MKI67: variants seen among roughly 807,000 people sequenced by gnomAD.
MKI67 encodes proliferation marker protein Ki-67.
Under a neutral mutation model 233.5 loss-of-function variants are expected in MKI67, and 152 were observed. The ratio of observed to expected loss-of-function variants is 0.65; its 90% CI spans 0.57 to 0.74. The LOEUF is 0.74. Ranked by LOEUF, MKI67 falls within the 30% of genes least tolerant of loss-of-function variation. The pLI is 0.00. For missense variants in MKI67, 3,940 were observed against 3,885.2 expected (o/e 1.01, Z -0.37); for synonymous variants, 1,465 against 1,418.5 (o/e 1.03, Z -0.74).
intron 12 of MKI67, among the ~76,000 whole-genome samples, chr10:128,109,872 G>T (rs1259003919): frequency 1.3e-5 from 2 of 152,162 alleles, no homozygotes; most frequent in African/African-American, 4.8e-5. Context: ...CTTCAGGGTA[G>T]CAAGCTGTTC....
Position 128,116,548 on chromosome 10 carries a change from G to A in MKI67, c.355-12C>T. ...CGACGTGCTGGCTCCTGTAAGTTGG[G>A]AAAATAAGAACAGTTATTTGCAGGT... On this transcript the variant is annotated splice_polypyrimidine_tract_variant and intron_variant, in intron 5 of 14. Coordinates refer to ENST00000368654, the MANE Select transcript of MKI67 (RefSeq NM_002417.5). 2 of 1,611,218 alleles carry A rather than the reference G, an allele frequency of 1.2e-6. No homozygotes were observed. Among genetic ancestry groups the A allele is most frequent in the South Asian group, 1.1e-5 (1 of 91,032 alleles).
In MKI67 at chr10:128,105,739, C is replaced by A; in HGVS notation, c.6101G>T (p.Gly2034Val). The A allele has an allele frequency of 6.2e-7, 1 of 1,614,166 alleles. No homozygotes were observed. Among genetic ancestry groups the A allele is most frequent in the Non-Finnish European group, 8.5e-7 (1 of 1,180,038 alleles). ...AAACGCTTTGATGCTCTTTCCATCT[C>A]CTGCTGTCTCTCTGTGTGTCTGTGT... The part of the protein sequence containing the change: ...KTTQTHRETA[G>V]DGKSIKAFKE... The change falls in exon 13 of 15, where the codon GGA (glycine) becomes GTA (valine). Residue 2034 changes from glycine to valine, a missense_variant. Coordinates refer to ENST00000368654, the MANE Select transcript of MKI67 (RefSeq NM_002417.5).
intron 14 of MKI67, among the ~76,000 whole-genome samples, chr10:128,100,674 T>C (rs1266571352): frequency 6.6e-6 from 1 of 152,236 alleles, no homozygotes; most frequent in African/African-American, 2.4e-5. Flanking sequence ...CTTGTAATTA[T>C]GAGTGGCTCA....
rs771052399 is a variant in MKI67 at position 128,115,275 on chromosome 10, C to A, written c.1133G>T (p.Gly378Val). Residue 378 changes from glycine to valine, a missense_variant, in exon 7 of 15, where the codon GGT (glycine) becomes GTT (valine). Gly to Val is a moderately radical substitution (Grantham distance 109). Transcript: ENST00000368654. ...ACCAGCCTTGAAGCCTTCACTTTTACCCAGATTCACAGATTCTCTTCTACC... is the reference window on the plus strand; with the variant it reads ...ACCAGCCTTGAAGCCTTCACTTTTAACCAGATTCACAGATTCTCTTCTACC... The part of the protein sequence containing the change: ...TTGRRESVNL[G>V]KSEGFKAGDK... The A allele has an allele frequency of 1.2e-6, 2 of 1,613,974 alleles. No homozygotes were observed. The highest frequency in any genetic ancestry group is 1.7e-5 in the Admixed American group (1 of 59,970).
At position 128,102,977 on chromosome 10, in the gene MKI67, G is replaced by A; in HGVS notation, c.8863C>T (p.Pro2955Ser). 2 of 1,614,194 alleles carry A rather than the reference G, an allele frequency of 1.2e-6. No individual in the cohort carries two copies. Among genetic ancestry groups the A allele is most frequent in the Non-Finnish European group, 1.7e-6 (2 of 1,180,042 alleles). The change falls in exon 13 of 15, where the codon CCT (proline) becomes TCT (serine). Residue 2955 changes from proline (P) to serine (S), a missense_variant. Physicochemically the swap from Pro to Ser is moderately conservative, Grantham distance 74. Transcript: ENST00000368654. ...APKQTPDSGKPLKISRRVLRA... is the reference protein window; with the variant it reads ...APKQTPDSGKSLKISRRVLRA... ...AGAACTCTTCTGGATATTTTTAGAG[G>A]TTTTCCACTGTCAGGTGTTTGCTTT...
At position 128,101,430 on chromosome 10, in the gene MKI67, C is replaced by T. The variant is rs917532529; in HGVS notation, c.9533G>A (p.Ser3178Asn). ...CTGATTCTGCATGAGAACCTTCGCA[C>T]TCTTCTGCCCTCCGCTCTCCTCTGC... ...KVAEESGGQK[S>N]AKVLMQNQKG... The change falls in exon 14 of 15, where the codon AGT (serine) becomes AAT (asparagine). Residue 3178 changes from serine (S) to asparagine (N), a missense_variant. Transcript: ENST00000368654. 2.5e-6 allele frequency: 4 copies of T among 1,614,208 alleles called. No homozygotes were observed. Among genetic ancestry groups the T allele is most frequent in the Non-Finnish European group, 3.4e-6 (4 of 1,180,038 alleles).
In MKI67 at chr10:128,126,378, T is replaced by TCCCGCCCG. The variant is rs61029493; in HGVS notation, c.-377_-370dup. The TCCCGCCCG allele has an allele frequency of 3.9e-4, 56 of 145,370 alleles. No individual in the cohort carries two copies. Among genetic ancestry groups the TCCCGCCCG allele is most frequent in the African/African-American group, 5.0e-4 (20 of 39,994 alleles). The allele number at this position is 145,370 out of a possible 1,614,324, so 9.0% of individuals were successfully genotyped here. ...TAGCGGCTCCCACCGAGTCGAGTCC[T>TCCCGCCCG]CCCGCCCGCCCGCCCGCCCGCAGCG... On this transcript the variant is annotated 5_prime_UTR_variant, in exon 1 of 15. Transcript: ENST00000368654.
rs770441653 is a variant in MKI67, at chr10:128,108,804, T to A, written c.3036A>T (p.Pro1012=). 27 of 1,614,120 alleles carry A rather than the reference T, an allele frequency of 1.7e-5. No homozygotes were observed. The highest frequency in any genetic ancestry group is 2.1e-5 in the Non-Finnish European group (25 of 1,180,058). Residue 1012 remains proline, a synonymous_variant, in exon 13 of 15, where the codon CCA becomes CCT. Coordinates refer to ENST00000368654, the MANE Select transcript of MKI67 (RefSeq NM_002417.5). Reference sequence around the variant, plus strand: ...TGTGTGTTGGGGTGTTTATTGGTTCTGGTTGTAATGACTGGCAGGGCATTT... The same window carrying A: ...TGTGTGTTGGGGTGTTTATTGGTTCAGGTTGTAATGACTGGCAGGGCATTT... The part of the protein sequence containing the change: ...ITKMPCQSLQ[P]EPINTPTHTK...
Position 128,106,791 on chromosome 10 carries a change from G to T in MKI67, c.5049C>A (p.Ile1683=). The T allele has an allele frequency of 6.2e-7, 1 of 1,613,800 alleles. No individual in the cohort carries two copies. Among genetic ancestry groups the T allele is most frequent in the Non-Finnish European group, 8.5e-7 (1 of 1,179,924 alleles). The change falls in exon 13 of 15, where the codon ATC becomes ATA. Residue 1683 remains isoleucine, a synonymous_variant. Coordinates refer to ENST00000368654, the MANE Select transcript of MKI67 (RefSeq NM_002417.5). Reference sequence around the variant, plus strand: ...CAGTTAGACTTGCTGCTGAGTCTAAGATCTGCTTTGGAGACTCCATAAATG... The same window carrying T: ...CAGTTAGACTTGCTGCTGAGTCTAATATCTGCTTTGGAGACTCCATAAATG... ...MKAFMESPKQ[I]LDSAASLTGS...
chr10:128,105,718 G>A lies in MKI67; in HGVS notation c.6122C>T (p.Ala2041Val), dbSNP rs772060315. ...CATCTGCTTTGCAGATTCCTTAAACGCTTTGATGCTCTTTCCATCTCCTGC... is the reference window on the plus strand; with the variant it reads ...CATCTGCTTTGCAGATTCCTTAAACACTTTGATGCTCTTTCCATCTCCTGC... ...ETAGDGKSIK[A>V]FKESAKQMLD... The change falls in exon 13 of 15, where the codon GCG becomes GTG. Residue 2041 changes from alanine (A) to valine (V), a missense_variant. Coordinates refer to ENST00000368654, the MANE Select transcript of MKI67 (RefSeq NM_002417.5). 1.4e-5 allele frequency: 22 copies of A among 1,613,940 alleles called. No homozygotes were observed. The East Asian group carries it at 2.7e-4, about 20-fold the overall frequency.
chr10:128,120,034 C>A lies in MKI67; in HGVS notation c.288-715G>T, dbSNP rs536962222. On this transcript the variant is annotated intron_variant, in intron 4 of 14. Transcript: ENST00000368654. The stretch of plus-strand genomic sequence containing the variant: ...CTAAGTAAGATCTGAAGCAGTCACA[C>A]ATCTGATATTATTTCTCATGGTAGA... Among the ~76,000 whole-genome samples, 29 of 152,340 alleles carry A rather than the reference C, an allele frequency of 1.9e-4. No individual in the cohort carries two copies. The Middle Eastern group carries it at 0.017, about 89-fold the overall frequency.
rs751155112 is a variant in MKI67 at position 128,106,148 on chromosome 10, G to A, written c.5692C>T (p.Pro1898Ser). Residue 1898 changes from proline (P) to serine (S), a missense_variant, in exon 13 of 15, where the codon CCA becomes TCA. Pro to Ser is a moderately conservative substitution (Grantham distance 74, BLOSUM62 -1). Transcript: ENST00000368654. ...GTGTGCATGGCTTTGCCTGCTGATG[G>A]TGTTAGTTTCCTGAATGCTAAAAAT... ...EEFLAFRKLT[P>S]SAGKAMHTPK... 5.0e-6 allele frequency: 8 copies of A among 1,613,954 alleles called. No homozygotes were observed. Among genetic ancestry groups the A allele is most frequent in the Non-Finnish European group, 5.9e-6 (7 of 1,180,006 alleles).
chr10:128,106,191 T>C lies in MKI67; in HGVS notation c.5649A>G (p.Lys1883=), dbSNP rs746271648. The change falls in exon 13 of 15, where the codon AAA becomes AAG. Residue 1883 remains lysine (K), a synonymous_variant. Transcript: ENST00000368654. ...TKQRPKRSLK[K]ADVEEEFLAF... ...CTAAAAATTCTTCCTCTACGTCTGC[T>C]TTCTTGAGGCTTCTCTTGGGCCGTT... The C allele has an allele frequency of 1.2e-5, 20 of 1,613,574 alleles. No homozygotes were observed. In the South Asian group the frequency reaches 2.2e-4, roughly 18 times the overall value.
chr10:128,106,262 T>C lies in MKI67; in HGVS notation c.5578A>G (p.Lys1860Glu). 6.2e-7 allele frequency: 1 copy of C among 1,614,092 alleles called. No individual in the cohort carries two copies. The highest frequency in any genetic ancestry group is 1.1e-5 in the South Asian group (1 of 91,080). ...TCCGCTGGGTCTGATTGCGGAGATT[T>C]GCAGAGTATTTTTTTGGTAGTTTTC... ...DEKTTKKILC[K>E]SPQSDPADTP... is the part of the protein sequence containing the mutation. Residue 1860 changes from lysine (K) to glutamate (E), a missense_variant, in exon 13 of 15, where the codon AAA (lysine) becomes GAA (glutamate). Physicochemically the swap from Lys to Glu is moderately conservative, Grantham distance 56. Coordinates refer to ENST00000368654, the MANE Select transcript of MKI67 (RefSeq NM_002417.5).
intron 8 of MKI67, 72 bp from the exon 9 acceptor site, chr10:128,112,517 T>G: frequency 7.1e-7 from 1 of 1,406,776 alleles, no homozygotes. Context: ...GATAAAAACC[T>G]ATTCAGTTAA....
At position 128,115,861 on chromosome 10, in the gene MKI67, G is replaced by T. The variant is rs1401611573; in HGVS notation, c.547C>A (p.His183Asn). ...DSVAQGTTNV[H>N]SSEHAGRNGR... ...TTACGTCCAGCATGTTCTGAGGAATGAACATTAGTTGTTCCCTGAGCAACA... is the reference window on the plus strand; with the variant it reads ...TTACGTCCAGCATGTTCTGAGGAATTAACATTAGTTGTTCCCTGAGCAACA... Residue 183 changes from histidine to asparagine, a missense_variant, in exon 7 of 15, where the codon CAT becomes AAT. Coordinates refer to ENST00000368654, the MANE Select transcript of MKI67 (RefSeq NM_002417.5). The T allele has an allele frequency of 1.2e-6, 2 of 1,608,584 alleles. No individual in the cohort carries two copies. The highest frequency in any genetic ancestry group is 2.7e-5 in the African/African-American group (2 of 74,926).
intron 2 of MKI67, among the ~76,000 whole-genome samples, chr10:128,124,904 G>A (rs1280250207): frequency 2.6e-5 from 2 of 76,482 alleles, no homozygotes; most frequent in Non-Finnish European, 3.1e-5. Flanking sequence ...GATGGGGTTG[G>A]GAGGACAGGG....
Position 128,112,429 on chromosome 10 carries a change from G to C in MKI67, c.1673C>G (p.Ser558Ter). 6.2e-7 allele frequency: 1 copy of C among 1,614,060 alleles called. No homozygotes were observed. The highest frequency in any genetic ancestry group is 1.1e-5 in the South Asian group (1 of 91,088). The change falls in exon 9 of 15, where the codon TCA becomes TGA. Residue 558 changes from serine (S) to a stop codon, truncating the protein, a stop_gained. Coordinates refer to ENST00000368654, the MANE Select transcript of MKI67 (RefSeq NM_002417.5). LOFTEE classifies it high-confidence loss of function. ...TTCTGAACCTGACTCTTGTTTTCCT[G>C]ATGGTTGAGGCTGTTCCTGACAAGA... ...KKIIKEQPQP[S>*]GKQESGSEIH...
rs886436058 is a variant in MKI67, at chr10:128,107,838, T to A, written c.4002A>T (p.Gln1334His). Residue 1334 changes from glutamine (Q) to histidine (H), a missense_variant, in exon 13 of 15, where the codon CAA becomes CAT. Physicochemically the swap from Gln to His is conservative, Grantham distance 24. Coordinates refer to ENST00000368654, the MANE Select transcript of MKI67 (RefSeq NM_002417.5). ...GAGCCTGGGCCTCTTCCTTAGGAGTTTGTGGCCGTCTCTTGCTGCCGGTTA... is the reference window on the plus strand; with the variant it reads ...GAGCCTGGGCCTCTTCCTTAGGAGTATGTGGCCGTCTCTTGCTGCCGGTTA... ...ENLTGSKRRP[Q>H]TPKEEAQALE... The A allele has an allele frequency of 6.2e-6, 10 of 1,608,032 alleles. No homozygotes were observed. The Admixed American group carries it at 1.5e-4, about 24-fold the overall frequency.
Sources: allele counts gnomAD v4.1 joint callset (sites outside exome capture counted in the v4.1 genomes callset), GRCh38; gene constraint gnomAD v4.1.1; transcripts MANE v1.5; gene names NCBI Gene and HGNC (gene_info 2026-07-23, HGNC 2026-07-21).